Variants in DLG1 observed in about 807,000 individuals in gnomAD.
DLG1 encodes the protein discs large MAGUK scaffold protein 1.
DLG1 carries 42 observed loss-of-function variants against 123.4 expected under a neutral mutation model. That is an observed-to-expected ratio of 0.34 (90% CI 0.27 to 0.44). The LOEUF (loss-of-function observed/expected upper bound fraction) is 0.44, where lower values mean the gene tolerates loss of function less well. Ranked by LOEUF, DLG1 falls within the 20% of genes least tolerant of loss-of-function variation. DLG1 has a pLI of 1.00. For synonymous variants in DLG1, 317 were observed against 356.2 expected (o/e 0.89, Z 1.24); for missense variants, 942 against 1,082.6 (o/e 0.87, Z 1.82).
intron 1 of DLG1, chr3:197,297,487 C>T: frequency 7.6e-7 from 1 of 1,311,092 alleles, no homozygotes; most frequent in Middle Eastern, 3.0e-4. Context: ...GTCCCCTCCC[C>T]AAAGAGCCTA....
In DLG1 at chr3:197,059,933, G is replaced by A. The variant is rs560345963; in HGVS notation, c.2439C>T (p.Tyr813=). The change falls in exon 23 of 25, where the codon TAC becomes TAT. Residue 813 remains tyrosine, a synonymous_variant. Coordinates refer to ENST00000667157, the MANE Select transcript of DLG1 (RefSeq NM_001366207.1). The part of the protein sequence containing the change: ...AIKRLQIAQL[Y]PISIFIKPKS... Reference sequence around the variant, plus strand: ...TGGGTTTAATAAAAATGGAGATAGGGTAAAGCTGTGCAATCTGTAATCTCT... The same window carrying A: ...TGGGTTTAATAAAAATGGAGATAGGATAAAGCTGTGCAATCTGTAATCTCT... The A allele has an allele frequency of 6.2e-7, 1 of 1,613,756 alleles. No homozygotes were observed. Among genetic ancestry groups the A allele is most frequent in the Non-Finnish European group, 8.5e-7 (1 of 1,179,836 alleles).
rs567310518 is a variant in DLG1, at chr3:197,068,408, T to C, written c.2047+811A>G. 1.7e-3 allele frequency: 1,423 copies of C among 829,384 alleles called. 5 individuals carry two copies. Among genetic ancestry groups the C allele is most frequent in the South Asian group, 3.3e-3 (204 of 62,706 alleles). The allele number at this position is 829,384 out of a possible 1,614,324, so 51.4% of individuals were successfully genotyped here. On this transcript the variant is annotated intron_variant, in intron 19 of 24. Transcript: ENST00000667157. ...CAAAAAAAAAATCATTAAGTAACTA[T>C]TGTGTAGAAAAATAATCAACCAAAT...
chr3:197,281,114 T>G (rs933941939), intron 4 of DLG1, among the ~76,000 whole-genome samples: 7 of 151,174 alleles, frequency 4.6e-5, no homozygotes, highest in Non-Finnish European at 8.8e-5. Flanking sequence ...CTCAGCTCGC[T>G]GCAACCTCCG....
intron 22 of DLG1, among the ~76,000 whole-genome samples, chr3:197,060,889 G>C (rs958293138): frequency 6.6e-6 from 1 of 152,168 alleles, no homozygotes; most frequent in Middle Eastern, 3.2e-3. Flanking sequence ...GCAGTGGCAT[G>C]ATCTCGGCTT....
At position 197,146,422 on chromosome 3, in the gene DLG1, T is replaced by A. The variant is rs546078746; in HGVS notation, c.537+3321A>T. The stretch of plus-strand genomic sequence containing the variant: ...AAACTATACTATGAGGCCATAGTCA[T>A]CAAAACAGCATGGTACTGGTATAAA... On this transcript the variant is annotated intron_variant, in intron 6 of 24. Coordinates refer to ENST00000667157, the MANE Select transcript of DLG1 (RefSeq NM_001366207.1). 3.3e-5 allele frequency among the ~76,000 whole-genome samples: 5 copies of A among 152,196 alleles called. No homozygotes were observed. In the South Asian group the frequency reaches 8.3e-4, roughly 25 times the overall value.
intron 6 of DLG1, among the ~76,000 whole-genome samples, chr3:197,143,283 C>T (rs964295904): frequency 8.7e-5 from 12 of 137,402 alleles, no homozygotes; most frequent in African/African-American, 3.3e-4. Context: ...GATGGAGTCT[C>T]GCTCTGTTGC....
At chr3:197,050,042 G>T (rs1010029235) in intron 24 of DLG1, among the ~76,000 whole-genome samples, 3 of 150,768 alleles carry the variant, frequency 2.0e-5, no homozygotes, top group Non-Finnish European at 4.4e-5. Flanking sequence ...GCCTGGGCAA[G>T]AACAAAACCC....
chr3:197,079,631 T>C (rs1749603063), intron 17 of DLG1, among the ~76,000 whole-genome samples: 1 of 152,234 alleles, frequency 6.6e-6, no homozygotes, highest in African/African-American at 2.4e-5. Context: ...TACTAAATCA[T>C]TTTTAAAGAT....
In DLG1 at chr3:197,286,953, G is replaced by A. The variant is rs957233319; in HGVS notation, c.152-4108C>T. Among the ~76,000 whole-genome samples the A allele has an allele frequency of 9.9e-5, 15 of 151,304 alleles. 1 individual carries two copies. Among genetic ancestry groups the A allele is most frequent in the African/African-American group, 2.7e-4 (11 of 41,192 alleles). ...GTCACTCAAGCTGCAGTACAGTAGCGCCTTCACCTCCTGGGCTCAACAAAT... is the reference window on the plus strand; with the variant it reads ...GTCACTCAAGCTGCAGTACAGTAGCACCTTCACCTCCTGGGCTCAACAAAT... On this transcript the variant is annotated intron_variant, in intron 3 of 24. Coordinates refer to ENST00000667157, the MANE Select transcript of DLG1 (RefSeq NM_001366207.1).
chr3:197,271,007 G>T (rs1299168262), intron 4 of DLG1, among the ~76,000 whole-genome samples: 1 of 152,136 alleles, frequency 6.6e-6, no homozygotes, highest in Non-Finnish European at 1.5e-5. Context: ...CATTTAAAGG[G>T]GGGGAAAAGA....
At chr3:197,065,563 G>A in intron 21 of DLG1, 115 bp from the exon 22 acceptor site, 2 of 1,065,230 alleles carry the variant, frequency 1.9e-6, no homozygotes, top group East Asian at 2.4e-5. Flanking sequence ...ATTTAAATCT[G>A]AGAAAGGACA....
chr3:197,145,447 C>T (rs1331851407), intron 6 of DLG1, among the ~76,000 whole-genome samples: 9 of 152,200 alleles, frequency 5.9e-5, no homozygotes, highest in Non-Finnish European at 1.5e-5. Flanking sequence ...TTTTAGAAAC[C>T]TCAAAATTTA....
intron 14 of DLG1, among the ~76,000 whole-genome samples, chr3:197,097,975 TTTG>T (rs1266506534): frequency 1.3e-5 from 2 of 152,144 alleles, no homozygotes; most frequent in Non-Finnish European, 2.9e-5. Context: ...CAATATTACC[TTTG>T]TTTTTAATTT....
intron 23 of DLG1, among the ~76,000 whole-genome samples, chr3:197,054,371 G>A (rs1000853098): frequency 6.6e-6 from 1 of 152,046 alleles, no homozygotes; most frequent in African/African-American, 2.4e-5. Context: ...CAATGTGTAC[G>A]TTGACTGCTT....
At position 197,247,966 on chromosome 3, in the gene DLG1, A is replaced by G. The variant is rs1036042867; in HGVS notation, c.318+34713T>C. Among the ~76,000 whole-genome samples, 9 of 152,064 alleles carry G rather than the reference A, an allele frequency of 5.9e-5. No individual in the cohort carries two copies. The East Asian group carries it at 1.7e-3, about 29-fold the overall frequency. On this transcript the variant is annotated intron_variant, in intron 4 of 24. Transcript: ENST00000667157. ...CCCAGAGGGACTTTAGGTCCCTCTT[A>G]GCACTGGCAGGTTCAGTATAAGCCT...
intron 4 of DLG1, among the ~76,000 whole-genome samples, chr3:197,206,994 G>A (rs1054630848): frequency 6.6e-6 from 1 of 152,174 alleles, no homozygotes; most frequent in Non-Finnish European, 1.5e-5. Context: ...CCTGCCACCT[G>A]TTTTTGTAAT....
chr3:197,267,583 A>G (rs1488522562), intron 4 of DLG1, among the ~76,000 whole-genome samples: 1 of 111,130 alleles, frequency 9.0e-6, no homozygotes, highest in Non-Finnish European at 1.9e-5. Flanking sequence ...CCCATTCCCA[A>G]TATTCTGTAA....
intron 16 of DLG1, 102 bp downstream of exon 16, chr3:197,085,478 A>C: frequency 8.5e-7 from 1 of 1,175,200 alleles, no homozygotes; most frequent in South Asian, 1.3e-5. Flanking sequence ...AATTAGAATA[A>C]TGCACTCCAG....
At chr3:197,224,430 A>C (rs1278498723) in intron 4 of DLG1, among the ~76,000 whole-genome samples, 2 of 152,188 alleles carry the variant, frequency 1.3e-5, no homozygotes, top group African/African-American at 4.8e-5. Flanking sequence ...TTCCTTAAAA[A>C]ATTTAAAATC....
Sources: allele counts gnomAD v4.1 joint callset (sites outside exome capture counted in the v4.1 genomes callset), GRCh38; gene constraint gnomAD v4.1.1; transcripts MANE v1.5; gene names NCBI Gene and HGNC (gene_info 2026-07-23, HGNC 2026-07-21).